The following LHX6 variants were observed in gnomAD, a reference collection of about 807,000 sequenced individuals.
LHX6 encodes the protein LIM homeobox 6, also known as LIM/homeobox protein Lhx6.
LHX6 carries 15 observed loss-of-function variants against 47.1 expected under a neutral mutation model. The ratio of observed to expected loss-of-function variants is 0.32; its 90% CI spans 0.21 to 0.49. The LOEUF is 0.49. Ranked by LOEUF, LHX6 falls within the 20% of genes least tolerant of loss-of-function variation. The probability of loss-of-function intolerance (pLI) is 0.99; values close to 1 mark genes in which losing one functional copy is unlikely to be tolerated. For synonymous variants in LHX6, 242 were observed against 233.5 expected, an observed-to-expected ratio of 1.04 and a Z score of -0.33; for missense variants, 404 against 539.6, an observed-to-expected ratio of 0.75 and a Z score of 2.49.
rs371254182 is a variant in LHX6 at position 122,204,535 on chromosome 9, T to C, written c.*225A>G. On this transcript the variant is annotated 3_prime_UTR_variant, in exon 10 of 10. Transcript: ENST00000394319. ...CACCCTGATTCCAGATTTCAGGGAG[T>C]TCTGCCTTCCAAGAGGAGGACTCTG... 3.2e-5 allele frequency: 14 copies of C among 431,514 alleles called. No individual in the cohort carries two copies. Among genetic ancestry groups the C allele is most frequent in the Middle Eastern group, 6.0e-4 (1 of 1,678 alleles). The allele number at this position is 431,514 out of a possible 1,614,324, so 26.7% of individuals were successfully genotyped here. A position where few individuals can be genotyped will look rare whatever the true frequency, so the allele number is the denominator to read the frequency against.
chr9:122,224,829 C>G (rs920592671), intron 4 of LHX6, among the ~76,000 whole-genome samples: 1 of 152,156 alleles, frequency 6.6e-6, no homozygotes. Context: ...TCTACATACC[C>G]CCAACCCTGC....
In LHX6 at chr9:122,214,569, T is replaced by A. The variant is rs1257324700; in HGVS notation, c.683-186A>T. ...AAGGGGTTTCTGAGCGTCCGCTTAG[T>A]ACTGGACACTTCTTACACGACTGGA... is the stretch of plus-strand genomic sequence containing the variant. On this transcript the variant is annotated intron_variant, in intron 5 of 9. Transcript: ENST00000394319. The surrounding 1 kb of genome is among the most constrained non-coding windows in gnomAD (Gnocchi z 4.6). The A allele has an allele frequency of 5.3e-6, 2 of 375,070 alleles. No individual in the cohort carries two copies. The highest frequency in any genetic ancestry group is 7.4e-6 in the Non-Finnish European group (2 of 271,886). The allele number at this position is 375,070 out of a possible 1,614,324, so 23.2% of individuals were successfully genotyped here. A position where few individuals can be genotyped will look rare whatever the true frequency, so the allele number is the denominator to read the frequency against.
rs369235444 is a variant in LHX6, at chr9:122,213,825, G to A, written c.880-45C>T. 4.8e-4 allele frequency: 746 copies of A among 1,550,228 alleles called. 1 individual carries two copies. Among genetic ancestry groups the A allele is most frequent in the Non-Finnish European group, 6.3e-4 (727 of 1,147,790 alleles). On this transcript the variant is annotated intron_variant, in intron 7 of 9. Transcript: ENST00000394319. The surrounding 1 kb of genome is among the most constrained non-coding windows in gnomAD (Gnocchi z 5.5). Reference sequence around the variant, plus strand: ...AGCCTCAGCCTCGAGGAAAAGAGTCGGACGCGCCGCCGGGAGACCCCAGGC... The same window carrying A: ...AGCCTCAGCCTCGAGGAAAAGAGTCAGACGCGCCGCCGGGAGACCCCAGGC...
At chr9:122,225,921 G>A (rs550113076) in intron 4 of LHX6, among the ~76,000 whole-genome samples, 1 of 152,194 alleles carries the variant, frequency 6.6e-6, no homozygotes, top group African/African-American at 2.4e-5. Flanking sequence ...CCAGCTCAGC[G>A]TCCAGCCCGC....
rs945011579 is a variant in LHX6, at chr9:122,226,719, A to G, written c.339+129T>C. On this transcript the variant is annotated intron_variant, in intron 3 of 9. Coordinates refer to ENST00000394319, the MANE Select transcript of LHX6 (RefSeq NM_014368.5). This position sits in a 1 kb window ranked among gnomAD's most constrained non-coding sequence, Gnocchi z 6.5. ...CTCAGGCAGACCCTAAGTCTTGCCCAAAGCTTCGCAGTCGGGCAGCAGTGG... is the reference window on the plus strand; with the variant it reads ...CTCAGGCAGACCCTAAGTCTTGCCCGAAGCTTCGCAGTCGGGCAGCAGTGG... The G allele has an allele frequency of 3.9e-6, 5 of 1,272,566 alleles. No individual in the cohort carries two copies. The highest frequency in any genetic ancestry group is 5.3e-6 in the Non-Finnish European group (5 of 939,386). The allele number at this position is 1,272,566 out of a possible 1,614,324, so 78.8% of individuals were successfully genotyped here. A position where few individuals can be genotyped will look rare whatever the true frequency, so the allele number is the denominator to read the frequency against.
chr9:122,220,006 T>C (rs1370353533), intron 4 of LHX6, among the ~76,000 whole-genome samples: 3 of 152,206 alleles, frequency 2.0e-5, no homozygotes, highest in Non-Finnish European at 4.4e-5. Context: ...GGAAAGGTCA[T>C]GGCCATCAGA....
chr9:122,213,551 T>C lies in LHX6; in HGVS notation c.1054+55A>G. 6.8e-7 allele frequency: 1 copy of C among 1,471,224 alleles called. No individual in the cohort carries two copies. The highest frequency in any genetic ancestry group is 9.0e-7 in the Non-Finnish European group (1 of 1,111,572). 91.1% of individuals were successfully genotyped at this position (1,471,224 alleles called of 1,614,324 possible). A position where few individuals can be genotyped will look rare whatever the true frequency, so the allele number is the denominator to read the frequency against. ...CTCGGCCTCAGCCGCCCACGTGCGC[T>C]CCTCCGCGCCCCCTCCCCGCAGGCC... On this transcript the variant is annotated intron_variant, in intron 8 of 9. Transcript: ENST00000394319. The surrounding 1 kb of genome is among the most constrained non-coding windows in gnomAD (Gnocchi z 5.5).
intron 2 of LHX6, 99 bp downstream of exon 2, chr9:122,227,310 A>T (rs1249331524): frequency 6.5e-6 from 8 of 1,222,578 alleles, no homozygotes; most frequent in Non-Finnish European, 8.7e-6. Flanking sequence ...GGAGTCCCCC[A>T]GAGCGTGAGC....
In LHX6 at chr9:122,226,553, C is replaced by CTG; in HGVS notation, c.340-57_340-56insCA. On this transcript the variant is annotated intron_variant, in intron 3 of 9. Transcript: ENST00000394319. This position sits in a 1 kb window ranked among gnomAD's most constrained non-coding sequence, Gnocchi z 6.5. ...CAGCGCGGGCCTCTTTCACTCCGGG[C>CTG]CCCAGCCTTCCCGGTCTCATTTACA... The CTG allele has an allele frequency of 6.3e-7, 1 of 1,577,726 alleles. No individual in the cohort carries two copies. The highest frequency in any genetic ancestry group is 8.6e-7 in the Non-Finnish European group (1 of 1,168,264).
rs935637205 is a variant in LHX6 at position 122,204,597 on chromosome 9, G to C, written c.*163C>G. 1.2e-5 allele frequency: 8 copies of C among 671,384 alleles called. No individual in the cohort carries two copies. Among genetic ancestry groups the C allele is most frequent in the East Asian group, 3.2e-5 (1 of 31,650 alleles). 41.6% of individuals were successfully genotyped at this position (671,384 alleles called of 1,614,324 possible). A position where few individuals can be genotyped will look rare whatever the true frequency, so the allele number is the denominator to read the frequency against. On this transcript the variant is annotated 3_prime_UTR_variant, in exon 10 of 10. Transcript: ENST00000394319. ...GTGGGTTCTGGTTCTCAGCAGGAGA[G>C]GGAAAGGCCAGGCCTCGGGAACCGA...
At chr9:122,211,806 A>G (rs975804789) in intron 8 of LHX6, among the ~76,000 whole-genome samples, 2 of 152,164 alleles carry the variant, frequency 1.3e-5, no homozygotes, top group African/African-American at 4.8e-5. Flanking sequence ...GTCCAAAGGG[A>G]TCATCTAGAT....
intron 4 of LHX6, among the ~76,000 whole-genome samples, chr9:122,224,899 C>G (rs1831029449): frequency 6.6e-6 from 1 of 152,198 alleles, no homozygotes; most frequent in South Asian, 2.1e-4. Context: ...CACACAGGCA[C>G]TCCTTGCACA....
At chr9:122,208,028 G>T (rs1830250571) in intron 9 of LHX6, among the ~76,000 whole-genome samples, 1 of 152,080 alleles carries the variant, frequency 6.6e-6, no homozygotes, top group South Asian at 2.1e-4. Context: ...GACCTCCAGG[G>T]ATCCCTGCTT....
intron 4 of LHX6, chr9:122,221,092 T>G: frequency 3.0e-6 from 3 of 985,442 alleles, no homozygotes; most frequent in Non-Finnish European, 3.6e-6. Flanking sequence ...GGAGGTTCAC[T>G]TATTTTAGGT....
chr9:122,223,529 C>A (rs142060412), intron 4 of LHX6, among the ~76,000 whole-genome samples: 1 of 152,300 alleles, frequency 6.6e-6, no homozygotes, highest in Middle Eastern at 3.4e-3. Flanking sequence ...GACTTCCCCC[C>A]AACAGTGGCC....
At position 122,226,620 on chromosome 9, in the gene LHX6, A is replaced by G. The variant is rs1027140907; in HGVS notation, c.340-123T>C. The stretch of plus-strand genomic sequence containing the variant: ...CTCAGAAGGTGCATGCGATTCCCCT[A>G]TTTTTCTCCCGTAATACTGAGACTC... On this transcript the variant is annotated intron_variant, in intron 3 of 9. Coordinates refer to ENST00000394319, the MANE Select transcript of LHX6 (RefSeq NM_014368.5). This position sits in a 1 kb window ranked among gnomAD's most constrained non-coding sequence, Gnocchi z 6.5. 3 of 1,408,196 alleles carry G rather than the reference A, an allele frequency of 2.1e-6. No homozygotes were observed. The highest frequency in any genetic ancestry group is 2.7e-5 in the South Asian group (2 of 75,032). 87.2% of individuals were successfully genotyped at this position (1,408,196 alleles called of 1,614,324 possible). A position where few individuals can be genotyped will look rare whatever the true frequency, so the allele number is the denominator to read the frequency against.
chr9:122,228,625 C>T (rs1184387497), intron 1 of LHX6, 32 bp downstream of exon 1: 1 of 1,307,110 alleles, frequency 7.7e-7, no homozygotes, highest in East Asian at 3.1e-5. Flanking sequence ...GACCCCGGCC[C>T]GGGCCGCTCA....
chr9:122,227,732 G>A, intron 1 of LHX6: 4 of 668,032 alleles, frequency 6.0e-6, no homozygotes, highest in Non-Finnish European at 8.8e-6. Context: ...TGAAGTAATC[G>A]CTTAGTTCCC....
intron 4 of LHX6, among the ~76,000 whole-genome samples, chr9:122,224,580 A>G (rs1258773885): frequency 2.0e-5 from 3 of 152,034 alleles, no homozygotes; most frequent in Non-Finnish European, 4.4e-5. Context: ...CTTAAGCAGG[A>G]ATGCCCCCTC....
Sources: allele counts gnomAD v4.1 joint callset (sites outside exome capture counted in the v4.1 genomes callset), GRCh38; gene constraint gnomAD v4.1.1; non-coding constraint Gnocchi (gnomAD v3.1); transcripts MANE v1.5; gene names NCBI Gene and HGNC (gene_info 2026-07-23, HGNC 2026-07-21).